The following GARNL3 variants were observed in gnomAD, a reference collection of about 807,000 sequenced individuals.
GARNL3 encodes the protein GTPase-activating Rap/Ran-GAP domain-like protein 3.
Under a neutral mutation model 125.0 loss-of-function variants are expected in GARNL3, and 63 were observed. The ratio of observed to expected loss-of-function variants is 0.50; its 90% CI spans 0.41 to 0.62. The LOEUF is 0.62. Ranked by LOEUF, GARNL3 falls within the 20% of genes least tolerant of loss-of-function variation. The pLI is 0.00. For synonymous variants in GARNL3, 439 were observed against 457.5 expected (o/e 0.96, Z 0.52); for missense variants, 994 against 1,244.0 (o/e 0.80, Z 3.02).
chr9:127,383,641 G>A (rs1046443254), intron 23 of GARNL3, 96 bp downstream of exon 23: 11 of 717,384 alleles, frequency 1.5e-5, no homozygotes, highest in Non-Finnish European at 1.9e-5. Context: ...GGCTTACTGC[G>A]AAATTGCTAT....
At chr9:127,294,502 C>T (rs575091301) in intron 2 of GARNL3, among the ~76,000 whole-genome samples, 3 of 152,190 alleles carry the variant, frequency 2.0e-5, no homozygotes, top group Non-Finnish European at 2.9e-5. Context: ...TGGGATTTCA[C>T]CATGTTGGCT....
intron 22 of GARNL3, among the ~76,000 whole-genome samples, chr9:127,366,040 A>T (rs998565440): frequency 1.3e-4 from 20 of 152,292 alleles, no homozygotes; most frequent in African/African-American, 4.6e-4. Context: ...ACATTTTCAT[A>T]AAAATGATGT....
intron 7 of GARNL3, among the ~76,000 whole-genome samples, chr9:127,325,722 C>T (rs2065549191): frequency 6.6e-6 from 1 of 152,072 alleles, no homozygotes; most frequent in Admixed American, 6.6e-5. Flanking sequence ...ATAAAATATC[C>T]CTAATCCAAA....
intron 2 of GARNL3, among the ~76,000 whole-genome samples, chr9:127,250,234 G>A (rs1001868558): frequency 2.0e-5 from 3 of 152,176 alleles, no homozygotes; most frequent in African/African-American, 7.2e-5. Flanking sequence ...ATGGGGGCTG[G>A]GAGGCAGAAG....
At chr9:127,309,744 A>G (rs73669850) in intron 2 of GARNL3, among the ~76,000 whole-genome samples, 13 of 151,776 alleles carry the variant, frequency 8.6e-5, no homozygotes, top group African/African-American at 3.1e-4. Context: ...TTGCCCCCCA[A>G]AAAAAGCTTT....
chr9:127,361,539 T>C (rs1214436711), intron 21 of GARNL3, among the ~76,000 whole-genome samples: 2 of 152,218 alleles, frequency 1.3e-5, no homozygotes, highest in African/African-American at 4.8e-5. Flanking sequence ...GACAGACACC[T>C]ATATCAAAGC....
intron 25 of GARNL3, chr9:127,388,332 A>G: frequency 6.5e-6 from 1 of 152,830 alleles, no homozygotes; most frequent in Non-Finnish European, 1.5e-5. Context: ...AAAAAAAAAA[A>G]AGTTTCAGTG....
chr9:127,238,572 A>T (rs1170543726), intron 1 of GARNL3, among the ~76,000 whole-genome samples: 2 of 152,204 alleles, frequency 1.3e-5, no homozygotes, highest in African/African-American at 4.8e-5. Context: ...CCATAGGAGA[A>T]CTGCTCAGGG....
chr9:127,264,346 T>C (rs1428935062), upstream of GARNL3: 1 of 249,498 alleles, frequency 4.0e-6, no homozygotes, highest in Non-Finnish European at 6.7e-6. Context: ...TAGCTGCTGC[T>C]ATGTAAAAAG....
chr9:127,243,960 A>T (rs1226306337), intron 2 of GARNL3, among the ~76,000 whole-genome samples: 1 of 152,228 alleles, frequency 6.6e-6, no homozygotes, highest in Non-Finnish European at 1.5e-5. Flanking sequence ...TGACTTCAAA[A>T]CAAATGAGAT....
intron 1 of GARNL3, among the ~76,000 whole-genome samples, chr9:127,282,855 A>G (rs1262137026): frequency 6.6e-6 from 1 of 151,856 alleles, no homozygotes; most frequent in Non-Finnish European, 1.5e-5. Flanking sequence ...GAAAAATTAC[A>G]TATTTGTATT....
intron 1 of GARNL3, among the ~76,000 whole-genome samples, chr9:127,276,016 T>A (rs1002633944): frequency 1.3e-5 from 2 of 152,230 alleles, no homozygotes; most frequent in Non-Finnish European, 2.9e-5. Context: ...ACAGTTTCCC[T>A]TCTTACTTTC....
exon 2 of GARNL3, chr9:127,243,086 G>C: frequency 2.2e-6 from 3 of 1,358,174 alleles, no homozygotes; most frequent in Non-Finnish European, 2.9e-6. Context: ...CAGGACAGCT[G>C]CCCAGCCTCC....
Position 127,385,867 on chromosome 9 carries a change from T to G in GARNL3, c.2388+722T>G, listed in dbSNP as rs1832515554. Among the ~76,000 whole-genome samples, 1 of 152,246 alleles carries G rather than the reference T, an allele frequency of 6.6e-6. No homozygotes were observed. The highest frequency in any genetic ancestry group is 2.1e-4 in the South Asian group (1 of 4,832). ...GAGCAGATGCCATGCTGTCTTACCA[T>G]CATAGTACCAGTGGTGTGCTCAATG... On this transcript the variant is annotated intron_variant, in intron 24 of 27. Transcript: ENST00000373387. This position sits in a 1 kb window ranked among gnomAD's most constrained non-coding sequence, Gnocchi z 4.1.
rs771695539 is a variant in GARNL3, at chr9:127,387,175, C to T, written c.2389-18C>T. ...TAGAACACCAGGCAGCCCGGTAATG[C>T]TCTCTCTTCCTTTCTAGTCGGATAT... On this transcript the variant is annotated intron_variant, in intron 24 of 27. Transcript: ENST00000373387. 1.3e-5 allele frequency: 21 copies of T among 1,606,232 alleles called. No homozygotes were observed. The highest frequency in any genetic ancestry group is 1.7e-5 in the Non-Finnish European group (20 of 1,175,594).
intron 2 of GARNL3, among the ~76,000 whole-genome samples, chr9:127,258,181 C>T (rs1047456022): frequency 5.3e-5 from 8 of 151,732 alleles, no homozygotes; most frequent in African/African-American, 1.9e-4. Flanking sequence ...GGTATTGTAC[C>T]CCCAGAAACA....
At chr9:127,337,122 A>C (rs1479329920) in intron 11 of GARNL3, among the ~76,000 whole-genome samples, 1 of 152,164 alleles carries the variant, frequency 6.6e-6, no homozygotes, top group Non-Finnish European at 1.5e-5. Flanking sequence ...CCATGAGGGT[A>C]GGGAAGCAAA....
intron 7 of GARNL3, among the ~76,000 whole-genome samples, chr9:127,329,765 T>TC (rs1341218952): frequency 1.3e-5 from 2 of 152,098 alleles, no homozygotes; most frequent in Non-Finnish European, 2.9e-5. Flanking sequence ...CCAGCTCCGG[T>TC]CCTACCGTTC....
chr9:127,361,261 TA>T (rs1417919095), intron 21 of GARNL3, among the ~76,000 whole-genome samples: 1 of 149,142 alleles, frequency 6.7e-6, no homozygotes, highest in Non-Finnish European at 1.5e-5. Context: ...TATTACTTTT[TA>T]TTTTTTTTAA....
Sources: allele counts gnomAD v4.1 joint callset (sites outside exome capture counted in the v4.1 genomes callset), GRCh38; gene constraint gnomAD v4.1.1; non-coding constraint Gnocchi (gnomAD v3.1); transcripts MANE v1.5; gene names NCBI Gene and HGNC (gene_info 2026-07-23, HGNC 2026-07-21).